Variants in PRIMPOL observed in about 807,000 individuals in gnomAD.
The protein encoded by PRIMPOL is DNA-directed primase/polymerase protein.
A neutral mutation model predicts 63.6 loss-of-function variants in PRIMPOL; 54 were observed. The ratio of observed to expected loss-of-function variants is 0.85; its 90% confidence interval spans 0.68 to 1.07. The LOEUF (loss-of-function observed/expected upper bound fraction) is 1.07. Ranked by LOEUF, PRIMPOL falls within the 50% of genes least tolerant of loss-of-function variation. The pLI is 0.00. For synonymous variants in PRIMPOL, 197 were observed against 220.2 expected, an observed-to-expected ratio of 0.89 and a Z score of 0.93; for missense variants, 610 against 648.3, an observed-to-expected ratio of 0.94 and a Z score of 0.64.
At chr4:184,694,420 T>C in intron 13 of PRIMPOL, 102 bp from the exon 14 acceptor site, 1 of 1,461,896 alleles carries the variant, frequency 6.8e-7, no homozygotes, top group East Asian at 2.4e-5. Flanking sequence ...TTAGTATCTG[T>C]CACTTAATAC....
At chr4:184,687,195 C>G (rs779562109) in intron 11 of PRIMPOL, among the ~76,000 whole-genome samples, 32 of 152,078 alleles carry the variant, frequency 2.1e-4, no homozygotes, top group Non-Finnish European at 4.0e-4. Context: ...CTTAGCCTCT[C>G]AAGTAGCTGG....
chr4:184,652,249 T>C (rs1487078136), intron 2 of PRIMPOL, 149 bp downstream of exon 2: 1 of 152,182 alleles, frequency 6.6e-6, no homozygotes, highest in African/African-American at 2.4e-5. Flanking sequence ...GAGGGGAGTT[T>C]AGACTTCGTG....
rs773553310 is a variant in PRIMPOL, at chr4:184,678,229, T to C, written c.845-3T>C. 3.9e-6 allele frequency: 6 copies of C among 1,546,948 alleles called. No individual in the cohort carries two copies. The South Asian group carries it at 6.2e-5, about 16-fold the overall frequency. On this transcript the variant is annotated splice_polypyrimidine_tract_variant and splice_region_variant and intron_variant, in intron 7 of 13. Transcript: ENST00000314970. ...CATATTGTTTTATCAATTTTTGATG[T>C]AGGAGTTTATACAAGAAATAGAAAC...
At chr4:184,655,609 C>T (rs1005919899) in intron 2 of PRIMPOL, among the ~76,000 whole-genome samples, 6 of 152,112 alleles carry the variant, frequency 3.9e-5, no homozygotes, top group East Asian at 1.9e-4. Context: ...CAGGAGCCAC[C>T]GCGCCTGGCC....
At position 184,678,423 on chromosome 4, in the gene PRIMPOL, G is replaced by A. The variant is rs1280132224; in HGVS notation, c.1007+29G>A. The A allele has an allele frequency of 2.0e-6, 3 of 1,504,504 alleles. No homozygotes were observed. In the East Asian group the frequency reaches 7.4e-5, roughly 37 times the overall value. 93.2% of individuals were successfully genotyped at this position (1,504,504 alleles called of 1,614,324 possible). A position where few individuals can be genotyped will look rare whatever the true frequency, so the allele number is the denominator to read the frequency against. ...TGTAGTAGCAGCATCAAACCATTTT[G>A]TATTCATGAATATTTATTAAACAGT... On this transcript the variant is annotated intron_variant, in intron 8 of 13. Coordinates refer to ENST00000314970, the MANE Select transcript of PRIMPOL (RefSeq NM_152683.4).
Position 184,671,806 on chromosome 4 carries a change from G to A in PRIMPOL, c.557-367G>A, listed in dbSNP as rs549525813. Among the ~76,000 whole-genome samples, 27 of 145,946 alleles carry A rather than the reference G, an allele frequency of 1.8e-4. No homozygotes were observed. In the South Asian group the frequency reaches 4.4e-3, roughly 24 times the overall value. On this transcript the variant is annotated intron_variant, in intron 6 of 13. Coordinates refer to ENST00000314970, the MANE Select transcript of PRIMPOL (RefSeq NM_152683.4). Reference sequence around the variant, plus strand: ...CACCCAGGCTGGAGTGCAGTGGCGCGATCTTGGCTCACTGCAAGCTCCGCT... The same window carrying A: ...CACCCAGGCTGGAGTGCAGTGGCGCAATCTTGGCTCACTGCAAGCTCCGCT...
In PRIMPOL at chr4:184,682,274, CAT is replaced by C; in HGVS notation, c.1035_1036del (p.Cys346Ter). 1.2e-6 allele frequency: 2 copies of C among 1,600,498 alleles called. No homozygotes were observed. The highest frequency in any genetic ancestry group is 1.7e-6 in the Non-Finnish European group (2 of 1,168,410). ...TTCTCAGATACTTTACGAATTCTTA[CAT>C]GTGAGCCATCTCAGAATAAACAAAA... On this transcript the variant is annotated frameshift_variant, in exon 9 of 14. Coordinates refer to ENST00000314970, the MANE Select transcript of PRIMPOL (RefSeq NM_152683.4). LOFTEE classifies it high-confidence loss of function.
intron 2 of PRIMPOL, among the ~76,000 whole-genome samples, chr4:184,653,245 A>G (rs916476529): frequency 6.6e-6 from 1 of 152,092 alleles, no homozygotes; most frequent in African/African-American, 2.4e-5. Context: ...TGCTCCTGGA[A>G]TCCAGACCAT....
At chr4:184,651,098 G>A (rs1475301326) in intron 1 of PRIMPOL, among the ~76,000 whole-genome samples, 2 of 152,010 alleles carry the variant, frequency 1.3e-5, no homozygotes, top group Non-Finnish European at 2.9e-5. Flanking sequence ...GACCAGCCTG[G>A]TCAAGATGGT....
At chr4:184,654,439 G>A (rs1446290490) in intron 2 of PRIMPOL, among the ~76,000 whole-genome samples, 2 of 109,446 alleles carry the variant, frequency 1.8e-5, no homozygotes, top group Non-Finnish European at 3.9e-5. Context: ...ACTTTGTATT[G>A]ACAAGTTAAA....
intron 3 of PRIMPOL, among the ~76,000 whole-genome samples, chr4:184,658,696 C>T (rs1334875187): frequency 2.6e-5 from 4 of 152,062 alleles, no homozygotes; most frequent in African/African-American, 9.7e-5. Context: ...ACTTTGAGGT[C>T]AGGAGTTCGA....
At chr4:184,689,738 G>A (rs1276726195) in intron 11 of PRIMPOL, among the ~76,000 whole-genome samples, 1 of 151,974 alleles carries the variant, frequency 6.6e-6, no homozygotes, top group East Asian at 1.9e-4. Flanking sequence ...ACAGGCGCGA[G>A]CCACCATGCC....
intron 9 of PRIMPOL, among the ~76,000 whole-genome samples, chr4:184,684,348 C>G (rs770329425): frequency 1.3e-5 from 2 of 151,974 alleles, no homozygotes; most frequent in African/African-American, 4.8e-5. Flanking sequence ...CCCAGCTACT[C>G]AGGAGGCTGA....
At chr4:184,673,523 C>T (rs1752476705) in intron 7 of PRIMPOL, among the ~76,000 whole-genome samples, 1 of 150,834 alleles carries the variant, frequency 6.6e-6, no homozygotes. Context: ...CTCCCGGGTT[C>T]AAACGATTCT....
chr4:184,692,255 C>G (rs370382741), intron 13 of PRIMPOL, among the ~76,000 whole-genome samples: 31 of 152,144 alleles, frequency 2.0e-4, no homozygotes, highest in African/African-American at 7.0e-4. Flanking sequence ...AGGCAGATCA[C>G]TTGAGGTCAT....
chr4:184,655,823 A>G (rs183383061), intron 2 of PRIMPOL, among the ~76,000 whole-genome samples: 20 of 152,326 alleles, frequency 1.3e-4, no homozygotes, highest in Middle Eastern at 3.4e-3. Context: ...AAGCCCCAAT[A>G]TATCTGTTTT....
intron 7 of PRIMPOL, among the ~76,000 whole-genome samples, chr4:184,674,610 C>T: frequency 6.6e-6 from 1 of 152,166 alleles, no homozygotes; most frequent in East Asian, 1.9e-4. Context: ...CTTTTGACTT[C>T]CCAAAAACTT....
chr4:184,660,337 C>T (rs1018509607), intron 4 of PRIMPOL, among the ~76,000 whole-genome samples: 15 of 151,164 alleles, frequency 9.9e-5, no homozygotes, highest in African/African-American at 2.7e-4. Context: ...CCTGCCACCA[C>T]GCCTGGCTAA....
At chr4:184,664,164 A>G (rs1028697785) in intron 5 of PRIMPOL, among the ~76,000 whole-genome samples, 6 of 152,192 alleles carry the variant, frequency 3.9e-5, no homozygotes, top group African/African-American at 1.4e-4. Flanking sequence ...TGGGAAATAG[A>G]ATTTAGGAGA....
Sources: allele counts gnomAD v4.1 joint callset (sites outside exome capture counted in the v4.1 genomes callset), GRCh38; gene constraint gnomAD v4.1.1; transcripts MANE v1.5; gene names NCBI Gene and HGNC (gene_info 2026-07-23, HGNC 2026-07-21).